The following RBFOX2 variants were observed in gnomAD, a reference collection of about 807,000 sequenced individuals.
RBFOX2 encodes RNA binding fox-1 homolog 2, also known as RNA binding protein fox-1 homolog 2.
RBFOX2 carries 10 observed loss-of-function variants against 49.1 expected under a neutral mutation model. The observed-to-expected ratio is 0.20, with a 90% confidence interval of 0.13 to 0.35. The LOEUF (loss-of-function observed/expected upper bound fraction) is 0.35. Ranked by LOEUF, RBFOX2 falls within the 10% of genes least tolerant of loss-of-function variation. RBFOX2 has a pLI of 1.00. For missense variants in RBFOX2, 323 were observed against 486.9 expected (o/e 0.66, Z 3.17); for synonymous variants, 183 against 187.4 (o/e 0.98, Z 0.19).
intron 1 of RBFOX2, among the ~76,000 whole-genome samples, chr22:35,832,893 T>C (rs1225149208): frequency 1.3e-5 from 2 of 152,190 alleles, no homozygotes; most frequent in Admixed American, 6.5e-5. Flanking sequence ...ACAGTGACTA[T>C]AGTTAACAAT....
upstream of RBFOX2, among the ~76,000 whole-genome samples, chr22:35,963,731 T>C (rs972526010): frequency 3.3e-5 from 5 of 152,128 alleles, no homozygotes; most frequent in African/African-American, 1.2e-4. Context: ...AACACTAGTA[T>C]ATATTCTTTT....
exon 1 of RBFOX2, chr22:36,028,481 C>T: frequency 2.7e-6 from 3 of 1,125,936 alleles, no homozygotes; most frequent in Non-Finnish European, 2.2e-6. Flanking sequence ...GGCCACCTCC[C>T]CCTGGGCCTC....
At chr22:35,838,322 T>C (rs934059605) in intron 1 of RBFOX2, among the ~76,000 whole-genome samples, 1 of 151,880 alleles carries the variant, frequency 6.6e-6, no homozygotes, top group Admixed American at 6.6e-5. Context: ...ATTATATGGT[T>C]GTTACACTCG....
upstream of RBFOX2, among the ~76,000 whole-genome samples, chr22:35,942,588 CTCAGGTCATATTAAATGACA>C (rs1479192537): frequency 3.2e-4 from 48 of 151,570 alleles, no homozygotes; most frequent in Admixed American, 5.2e-4. Flanking sequence ...TATAAATGAC[CTCAGGTCATATTAAATGACA>C]GCAGAACAGA....
chr22:35,751,328 T>C (rs1047291400), intron 9 of RBFOX2, among the ~76,000 whole-genome samples: 2 of 151,584 alleles, frequency 1.3e-5, no homozygotes, highest in South Asian at 2.1e-4. Context: ...AGGAGGAGAG[T>C]GTGTATTTCA....
chr22:35,811,826 A>T (rs1022224698), intron 1 of RBFOX2, among the ~76,000 whole-genome samples: 6 of 151,610 alleles, frequency 4.0e-5, no homozygotes, highest in African/African-American at 1.5e-4. Context: ...TTAGCTGGGC[A>T]TGGTGGTATG....
chr22:35,760,931 TTTTC>T (rs1023442394), intron 8 of RBFOX2, among the ~76,000 whole-genome samples: 2 of 152,204 alleles, frequency 1.3e-5, no homozygotes, highest in South Asian at 2.1e-4. Flanking sequence ...GCTTCTTTTG[TTTTC>T]TTTATCGTCA....
intron 1 of RBFOX2, among the ~76,000 whole-genome samples, chr22:35,817,338 G>A (rs1953321693): frequency 6.6e-6 from 1 of 152,076 alleles, no homozygotes; most frequent in African/African-American, 2.4e-5. Flanking sequence ...ACAGCCAGGT[G>A]TGATGGTGCA....
chr22:35,841,370 T>C (rs1382919426), upstream of RBFOX2, among the ~76,000 whole-genome samples: 1 of 152,152 alleles, frequency 6.6e-6, no homozygotes, highest in Admixed American at 6.5e-5. Context: ...AAAGTTCTCT[T>C]ATTAAAATAA....
At chr22:35,947,338 G>A (rs760440365) in intron 1 of RBFOX2, among the ~76,000 whole-genome samples, 11 of 152,036 alleles carry the variant, frequency 7.2e-5, no homozygotes, top group Admixed American at 1.3e-4. Flanking sequence ...AAAGTCTAGC[G>A]CATACAACAA....
chr22:35,981,934 A>T (rs528252710), intron 1 of RBFOX2, among the ~76,000 whole-genome samples: 4 of 152,218 alleles, frequency 2.6e-5, no homozygotes, highest in African/African-American at 7.2e-5. Context: ...AGGAAGACTT[A>T]TAAGTCAGGA....
At chr22:35,762,751 C>G (rs544724861) in intron 6 of RBFOX2, among the ~76,000 whole-genome samples, 6 of 152,118 alleles carry the variant, frequency 3.9e-5, no homozygotes, top group African/African-American at 1.4e-4. Context: ...GTGATCCACC[C>G]GCCTCAGCCT....
At chr22:35,897,514 G>A in intron 1 of RBFOX2, 1 of 817,872 alleles carries the variant, frequency 1.2e-6, no homozygotes, top group Non-Finnish European at 2.2e-6. Flanking sequence ...TAGGCAAAAG[G>A]TGGCAAGGGG....
intron 1 of RBFOX2, among the ~76,000 whole-genome samples, chr22:35,977,408 G>T (rs1422054176): frequency 6.6e-6 from 1 of 152,018 alleles, no homozygotes; most frequent in East Asian, 1.9e-4. Context: ...AAACAGTACA[G>T]ACGAATCTCA....
chr22:35,919,611 C>T (rs1335779757), intron 1 of RBFOX2, among the ~76,000 whole-genome samples: 1 of 151,938 alleles, frequency 6.6e-6, no homozygotes, highest in East Asian at 1.9e-4. Context: ...CTAAAACTGA[C>T]TGTGGTGATG....
chr22:36,028,692 C>G (rs1482726647), exon 1 of RBFOX2, among the ~76,000 whole-genome samples: 4 of 150,810 alleles, frequency 2.7e-5, no homozygotes, highest in African/African-American at 9.7e-5. Flanking sequence ...CTCGCGCCCC[C>G]GCACGCACAC....
chr22:35,958,137 AT>A (rs1218813938), intron 1 of RBFOX2, among the ~76,000 whole-genome samples: 1 of 152,206 alleles, frequency 6.6e-6, no homozygotes, highest in Non-Finnish European at 1.5e-5. Flanking sequence ...AATAAATTTT[AT>A]TTTAATTGAT....
At chr22:35,936,687 G>C (rs7290730) in intron 1 of RBFOX2, among the ~76,000 whole-genome samples, 6 of 152,200 alleles carry the variant, frequency 3.9e-5, no homozygotes, top group African/African-American at 9.7e-5. Context: ...CAGGCCTGCA[G>C]CAGAGACAGC....
rs541312095 is a variant in RBFOX2, at chr22:35,949,297, T to C, written c.43-10400A>G. Among the ~76,000 whole-genome samples the C allele has an allele frequency of 1.6e-4, 24 of 152,340 alleles. No individual in the cohort carries two copies. In the South Asian group the frequency reaches 4.1e-3, roughly 26 times the overall value. ...CATCCATTCATCTGTCAATGGACAC[T>C]TGGGTTGCCTCCACCTTTTAACTAT... On this transcript the variant is annotated intron_variant, in intron 1 of 5. Coordinates refer to the RBFOX2 transcript ENST00000408983.
Sources: gnomAD v4.1 joint callset for allele counts (sites outside exome capture counted in the v4.1 genomes callset) on GRCh38, gnomAD v4.1.1 for gene constraint, MANE v1.5 for transcripts, NCBI Gene and HGNC (gene_info 2026-07-23, HGNC 2026-07-21) for gene names.